Variants in DPYSL5 observed in about 807,000 individuals in gnomAD.
DPYSL5 encodes the protein dihydropyrimidinase-related protein 5.
A neutral mutation model predicts 58.4 loss-of-function variants in DPYSL5; 9 were observed. The observed-to-expected ratio is 0.15, with a 90% CI of 0.09 to 0.27. The LOEUF is 0.27. Ranked by LOEUF, DPYSL5 falls within the 10% of genes least tolerant of loss-of-function variation. The pLI is 1.00. For missense variants in DPYSL5, 499 were observed against 770.6 expected (o/e 0.65, Z 4.17); for synonymous variants, 293 against 301.9 (o/e 0.97, Z 0.31).
chr2:26,874,763 T>G (rs1027188044), intron 1 of DPYSL5, among the ~76,000 whole-genome samples: 13 of 152,372 alleles, frequency 8.5e-5, no homozygotes, highest in Non-Finnish European at 1.8e-4. Flanking sequence ...TGCTGATCTC[T>G]GGGTTTGATT....
At chr2:26,884,472 G>A (rs1375269974) in intron 1 of DPYSL5, among the ~76,000 whole-genome samples, 1 of 151,622 alleles carries the variant, frequency 6.6e-6, no homozygotes, top group Non-Finnish European at 1.5e-5. Context: ...ACTTGGGCTG[G>A]GAGGTGCACG....
chr2:26,910,199 T>C (rs944544733), intron 2 of DPYSL5, among the ~76,000 whole-genome samples: 2 of 152,248 alleles, frequency 1.3e-5, no homozygotes, highest in African/African-American at 4.8e-5. Context: ...AACATTCATA[T>C]ACATATATTT....
At chr2:26,917,083 G>A (rs1331978991) in intron 2 of DPYSL5, among the ~76,000 whole-genome samples, 1 of 152,124 alleles carries the variant, frequency 6.6e-6, no homozygotes, top group South Asian at 2.1e-4. Context: ...TACTATCTCC[G>A]TTTTACAAAT....
chr2:26,946,780 A>C, intron 12 of DPYSL5, 130 bp from the exon 13 acceptor site: 1 of 645,292 alleles, frequency 1.5e-6, no homozygotes, highest in Non-Finnish European at 2.8e-6. Flanking sequence ...CTCCTCATCT[A>C]TAAGATGGGA....
intron 1 of DPYSL5, among the ~76,000 whole-genome samples, chr2:26,851,353 G>A (rs1018392953): frequency 1.3e-5 from 2 of 152,282 alleles, no homozygotes; most frequent in Admixed American, 6.5e-5. Context: ...AGGCCTGGCT[G>A]TTGTCAGCGT....
At chr2:26,945,259 C>T (rs1665441352) in intron 12 of DPYSL5, among the ~76,000 whole-genome samples, 3 of 151,862 alleles carry the variant, frequency 2.0e-5, no homozygotes, top group Admixed American at 2.0e-4. Context: ...CTCTCCTCCT[C>T]TGACCTTCCC....
chr2:26,908,869 GTCT>G (rs1029324003), intron 2 of DPYSL5, among the ~76,000 whole-genome samples: 6 of 152,220 alleles, frequency 3.9e-5, no homozygotes, highest in Admixed American at 3.9e-4. Flanking sequence ...CCATTTTTCT[GTCT>G]TCTTCCATTT....
chr2:26,912,727 G>A (rs905850277), intron 2 of DPYSL5, among the ~76,000 whole-genome samples: 3 of 152,178 alleles, frequency 2.0e-5, no homozygotes, highest in Non-Finnish European at 4.4e-5. Flanking sequence ...TTGGATGCTC[G>A]GCAGTGAAGA....
chr2:26,897,690 G>T (rs374017362), intron 1 of DPYSL5, among the ~76,000 whole-genome samples: 1 of 152,162 alleles, frequency 6.6e-6, no homozygotes, highest in Non-Finnish European at 1.5e-5. Context: ...ATTGGGAAGG[G>T]TTTCCTTCTC....
At chr2:26,926,675 A>G (rs1251005370) in intron 3 of DPYSL5, among the ~76,000 whole-genome samples, 1 of 152,170 alleles carries the variant, frequency 6.6e-6, no homozygotes, top group Non-Finnish European at 1.5e-5. Context: ...CATGAAGTTC[A>G]TGAACCAGCA....
At position 26,944,942 on chromosome 2, in the gene DPYSL5, C is replaced by A; in HGVS notation, c.1609+118C>A. The A allele has an allele frequency of 1.0e-6, 1 of 1,001,300 alleles. No individual in the cohort carries two copies. Among genetic ancestry groups the A allele is most frequent in the Non-Finnish European group, 1.5e-6 (1 of 683,394 alleles). The allele number at this position is 1,001,300 out of a possible 1,614,324, so 62.0% of individuals were successfully genotyped here. Reference sequence around the variant, plus strand: ...CTCTCCTCCCTCCCGTTGCCTATTTCCAGGGATGAGTGCTGGTTTGGATAT... The same window carrying A: ...CTCTCCTCCCTCCCGTTGCCTATTTACAGGGATGAGTGCTGGTTTGGATAT... On this transcript the variant is annotated intron_variant, in intron 12 of 12. Coordinates refer to ENST00000288699, the MANE Select transcript of DPYSL5 (RefSeq NM_020134.4). This position sits in a 1 kb window ranked among gnomAD's most constrained non-coding sequence, Gnocchi z 4.4.
At chr2:26,928,092 A>C (rs1454383249) in intron 4 of DPYSL5, among the ~76,000 whole-genome samples, 163 bp from the exon 5 acceptor site, 2 of 152,222 alleles carry the variant, frequency 1.3e-5, no homozygotes, top group Non-Finnish European at 2.9e-5. Context: ...CGGCCTGTGC[A>C]TGCTCTGCCT....
intron 2 of DPYSL5, among the ~76,000 whole-genome samples, chr2:26,913,214 C>T (rs1043254453): frequency 6.6e-6 from 1 of 152,210 alleles, no homozygotes; most frequent in Non-Finnish European, 1.5e-5. Context: ...CCCACTGGCT[C>T]TCTATTGATG....
At chr2:26,875,535 A>C (rs1663389399) in intron 1 of DPYSL5, among the ~76,000 whole-genome samples, 1 of 152,232 alleles carries the variant, frequency 6.6e-6, no homozygotes, top group Non-Finnish European at 1.5e-5. Context: ...GCTTGGGCTC[A>C]GGGAGTCAGT....
intron 1 of DPYSL5, among the ~76,000 whole-genome samples, chr2:26,893,162 G>C (rs150523650): frequency 1.4e-3 from 219 of 152,342 alleles, no homozygotes; most frequent in Non-Finnish European, 2.6e-3. Context: ...CACTCCCTCA[G>C]GCAGCAGCCC....
At chr2:26,929,059 G>C (rs984223248) in intron 5 of DPYSL5, among the ~76,000 whole-genome samples, 1 of 151,998 alleles carries the variant, frequency 6.6e-6, no homozygotes, top group Non-Finnish European at 1.5e-5. Flanking sequence ...TGAGCAGCGG[G>C]CCAGCTGAGA....
chr2:26,930,540 C>T (rs1664944509), intron 5 of DPYSL5, among the ~76,000 whole-genome samples: 1 of 152,216 alleles, frequency 6.6e-6, no homozygotes, highest in South Asian at 2.1e-4. Context: ...AATTACGCAA[C>T]TCGGCTGGGT....
chr2:26,932,189 AAG>A (rs778351251), intron 6 of DPYSL5, among the ~76,000 whole-genome samples: 1 of 72,064 alleles, frequency 1.4e-5, no homozygotes, highest in Admixed American at 1.3e-4. Context: ...GAAAGAAAGA[AAG>A]AAAGAAAGAA....
chr2:26,928,650 C>T (rs144448323), intron 5 of DPYSL5, among the ~76,000 whole-genome samples: 178 of 143,972 alleles, frequency 1.2e-3, no homozygotes, highest in African/African-American at 4.3e-3. Context: ...TGCAGTGAGC[C>T]GTGATGATGC....
Sources: gnomAD v4.1 joint callset for allele counts (sites outside exome capture counted in the v4.1 genomes callset) on GRCh38, gnomAD v4.1.1 for gene constraint, Gnocchi (gnomAD v3.1) non-coding constraint, MANE v1.5 for transcripts, NCBI Gene and HGNC (gene_info 2026-07-23, HGNC 2026-07-21) for gene names.